DDHD1: variants seen among roughly 807,000 people sequenced by gnomAD.
DDHD1 encodes the protein phospholipase DDHD1.
A neutral mutation model predicts 96.4 loss-of-function variants in DDHD1; 49 were observed. That is an observed-to-expected ratio of 0.51 (90% CI 0.40 to 0.64). The LOEUF is 0.64. DDHD1 is among the 30% of genes least tolerant of loss of function. The pLI is 0.00. For missense variants in DDHD1, 1,106 were observed against 1,161.2 expected (o/e 0.95, Z 0.69); for synonymous variants, 442 against 446.5 (o/e 0.99, Z 0.13).
chr14:53,093,307 A>T lies in DDHD1; in HGVS notation c.1141+9T>A. 1 of 1,602,110 alleles carries T rather than the reference A, an allele frequency of 6.2e-7. No individual in the cohort carries two copies. The highest frequency in any genetic ancestry group is 8.5e-7 in the Non-Finnish European group (1 of 1,177,106). ...ATTTTGATAAGCTCTAGTAATATTT[A>T]ACAATTACCTTTAGAAAATCCCAGT... On this transcript the variant is annotated intron_variant, in intron 3 of 12. Coordinates refer to ENST00000673822, the MANE Select transcript of DDHD1 (RefSeq NM_001160148.2).
At chr14:53,102,671 A>G (rs1282904842) in intron 2 of DDHD1, among the ~76,000 whole-genome samples, 1 of 151,564 alleles carries the variant, frequency 6.6e-6, no homozygotes, top group Non-Finnish European at 1.5e-5. Flanking sequence ...AAGAGAGAGC[A>G]AAGAGTGGCA....
At chr14:53,122,886 C>T (rs1566586683) in intron 1 of DDHD1, among the ~76,000 whole-genome samples, 1 of 151,564 alleles carries the variant, frequency 6.6e-6, no homozygotes, top group Non-Finnish European at 1.5e-5. Flanking sequence ...TTATGTTATA[C>T]TCTCTCTGTT....
intron 4 of DDHD1, among the ~76,000 whole-genome samples, chr14:53,088,326 A>C (rs1886152085): frequency 6.6e-6 from 1 of 152,250 alleles, no homozygotes; most frequent in Non-Finnish European, 1.5e-5. Context: ...TTATGAGGCC[A>C]ACATCATCCT....
At chr14:53,144,903 A>G (rs1426273008) in intron 1 of DDHD1, among the ~76,000 whole-genome samples, 1 of 152,200 alleles carries the variant, frequency 6.6e-6, no homozygotes, top group African/African-American at 2.4e-5. Context: ...TAATCCCAGC[A>G]CTTTGGGAGG....
chr14:53,049,934 G>A (rs1003629339), intron 12 of DDHD1, among the ~76,000 whole-genome samples: 1 of 152,186 alleles, frequency 6.6e-6, no homozygotes, highest in Non-Finnish European at 1.5e-5. Flanking sequence ...TACATTCCAT[G>A]TGGAAGTGCT....
At chr14:53,117,032 AAAAG>A (rs1231851128) in intron 1 of DDHD1, among the ~76,000 whole-genome samples, 8 of 152,208 alleles carry the variant, frequency 5.3e-5, no homozygotes, top group African/African-American at 1.9e-4. Flanking sequence ...AATAAAGAAG[AAAAG>A]AGAGAAGAAT....
Position 53,091,843 on chromosome 14 carries a change from C to G in DDHD1, c.1231G>C (p.Val411Leu). Residue 411 changes from valine (V) to leucine (L), a missense_variant, in exon 4 of 13, where the codon GTT (valine) becomes CTT (leucine). Transcript: ENST00000673822. Reference sequence around the variant, plus strand: ...ATTTTCTGCCCAATGCCATGCACAACAAATACAATATGGGTAGTCTGTGAT... The same window carrying G: ...ATTTTCTGCCCAATGCCATGCACAAGAAATACAATATGGGTAGTCTGTGAT... The part of the protein sequence containing the change: ...KPSQTTHIVF[V>L]VHGIGQKMDQ... 3 of 1,613,832 alleles carry G rather than the reference C, an allele frequency of 1.9e-6. No homozygotes were observed. Among genetic ancestry groups the G allele is most frequent in the African/African-American group, 1.3e-5 (1 of 75,024 alleles).
At chr14:53,126,144 A>G (rs1397603553) in intron 1 of DDHD1, among the ~76,000 whole-genome samples, 2 of 152,230 alleles carry the variant, frequency 1.3e-5, no homozygotes, top group African/African-American at 2.4e-5. Flanking sequence ...CCAACTAGTT[A>G]AAAACAGTTA....
In DDHD1 at chr14:53,081,935, G is replaced by A. The variant is rs141284786; in HGVS notation, c.1290-8088C>T. 6.3e-3 allele frequency among the ~76,000 whole-genome samples: 962 copies of A among 152,234 alleles called. 12 individuals carry two copies. Among genetic ancestry groups the A allele is most frequent in the African/African-American group, 0.021 (874 of 41,536 alleles). ...GAGAGGAGGGGGATGGGGAAAAGAG[G>A]AAGAGGGAGACAGGGAGAGGGAAGA... On this transcript the variant is annotated intron_variant, in intron 4 of 12. Transcript: ENST00000673822.
intron 1 of DDHD1, among the ~76,000 whole-genome samples, chr14:53,137,026 C>T (rs1435323002): frequency 2.0e-5 from 3 of 151,964 alleles, no homozygotes; most frequent in East Asian, 1.9e-4. Context: ...ATTCCTCACT[C>T]CCTAGATTCA....
chr14:53,120,882 G>C (rs957795107), intron 1 of DDHD1, among the ~76,000 whole-genome samples: 3 of 152,124 alleles, frequency 2.0e-5, no homozygotes, highest in Admixed American at 2.0e-4. Context: ...TCAGGACATA[G>C]GCATGGACAA....
chr14:53,143,493 GT>G (rs1465415991), intron 1 of DDHD1, among the ~76,000 whole-genome samples: 1 of 152,188 alleles, frequency 6.6e-6, no homozygotes, highest in African/African-American at 2.4e-5. Context: ...AGGAGACAGG[GT>G]CATTTATAAT....
intron 4 of DDHD1, among the ~76,000 whole-genome samples, chr14:53,077,494 A>G (rs574085734): frequency 1.3e-5 from 2 of 152,246 alleles, no homozygotes; most frequent in Admixed American, 6.5e-5. Context: ...TTTTCAAAAT[A>G]ACAAGTCATT....
chr14:53,111,460 C>T (rs997366563), intron 1 of DDHD1, among the ~76,000 whole-genome samples: 2 of 152,058 alleles, frequency 1.3e-5, no homozygotes, highest in Admixed American at 1.3e-4. Context: ...CTGTAGTTAA[C>T]GTGCTTACAG....
intron 1 of DDHD1, among the ~76,000 whole-genome samples, chr14:53,135,562 T>C (rs1017019655): frequency 6.6e-6 from 1 of 152,196 alleles, no homozygotes; most frequent in Non-Finnish European, 1.5e-5. Flanking sequence ...ACACAACACA[T>C]CTCAATTCTA....
chr14:53,054,576 G>T lies in DDHD1; in HGVS notation c.2299C>A (p.Arg767Ser). 1 of 1,613,994 alleles carries T rather than the reference G, an allele frequency of 6.2e-7. No homozygotes were observed. Among genetic ancestry groups the T allele is most frequent in the South Asian group, 1.1e-5 (1 of 91,070 alleles). Residue 767 changes from arginine to serine, a missense_variant, in exon 11 of 13, where the codon CGT becomes AGT. Arg to Ser is a moderately radical substitution (Grantham distance 110, BLOSUM62 -1). Around this residue, in one of 2 missense-constraint regions of DDHD1, gnomAD observed 650 missense variants for 758.8 expected, o/e 0.86. Coordinates refer to ENST00000673822, the MANE Select transcript of DDHD1 (RefSeq NM_001160148.2). The part of the protein sequence containing the change: ...LGGMLFSRFG[R>S]SSTTQSSETS... ...TCAGATGACTGTGTTGTAGATGAACGTCCAAATCTTGAGAACAACATTCCT... is the reference window on the plus strand; with the variant it reads ...TCAGATGACTGTGTTGTAGATGAACTTCCAAATCTTGAGAACAACATTCCT...
intron 2 of DDHD1, among the ~76,000 whole-genome samples, chr14:53,098,670 G>A (rs939794860): frequency 6.6e-6 from 1 of 152,138 alleles, no homozygotes. Flanking sequence ...AAGCTAGTTA[G>A]AAGGTGAGCA....
At chr14:53,048,503 A>G (rs1882244387) in intron 12 of DDHD1, 1 of 151,728 alleles carries the variant, frequency 6.6e-6, no homozygotes, top group African/African-American at 2.4e-5. Flanking sequence ...ACACCTGGCT[A>G]ATTTTTTTGT....
At chr14:53,100,022 TG>T (rs1887181219) in intron 2 of DDHD1, among the ~76,000 whole-genome samples, 1 of 152,016 alleles carries the variant, frequency 6.6e-6, no homozygotes, top group East Asian at 1.9e-4. Flanking sequence ...ACTCCTGATC[TG>T]CAGATTCAAC....
Sources: gnomAD v4.1 joint callset for allele counts (sites outside exome capture counted in the v4.1 genomes callset) on GRCh38, gnomAD v4.1.1 for gene constraint, gnomAD v4.1.1 regional missense constraint, MANE v1.5 for transcripts, NCBI Gene and HGNC (gene_info 2026-07-23, HGNC 2026-07-21) for gene names.